The following RBMS3 variants were observed in gnomAD, a reference collection of about 807,000 sequenced individuals.
The protein encoded by RBMS3 is RNA-binding motif, single-stranded-interacting protein 3.
RBMS3 carries 27 observed loss-of-function variants against 66.8 expected under a neutral mutation model. The observed-to-expected ratio is 0.40, with a 90% CI of 0.30 to 0.56. The LOEUF is 0.56. RBMS3 is among the 20% of genes least tolerant of loss of function. RBMS3 has a pLI of 0.40. For synonymous variants in RBMS3, 188 were observed against 183.0 expected (o/e 1.03, Z -0.22); for missense variants, 513 against 549.5 (o/e 0.93, Z 0.66).
At chr3:29,731,116 C>T in intron 4 of RBMS3, 1 of 767,102 alleles carries the variant, frequency 1.3e-6, no homozygotes, top group African/African-American at 1.9e-5. Context: ...CCAGCCCAAG[C>T]CTTAAAGAAT....
intron 3 of RBMS3, among the ~76,000 whole-genome samples, chr3:29,547,463 T>G (rs72855060): frequency 0.11 from 16,873 of 151,868 alleles, 1,201 homozygotes; most frequent in African/African-American, 0.2. Context: ...ATTAAGCAAT[T>G]GGAAAATAAA....
intron 6 of RBMS3, among the ~76,000 whole-genome samples, chr3:29,778,677 G>T (rs1304277154): frequency 6.6e-6 from 1 of 151,726 alleles, no homozygotes; most frequent in African/African-American, 2.4e-5. Context: ...TATTAGATAT[G>T]TGACCATGAG....
intron 1 of RBMS3, among the ~76,000 whole-genome samples, chr3:29,319,224 A>G (rs887622844): frequency 6.6e-6 from 1 of 151,996 alleles, no homozygotes; most frequent in Non-Finnish European, 1.5e-5. Flanking sequence ...GCACCATGCC[A>G]ATTCCGTGTC....
chr3:29,496,851 C>T (rs1298151865), intron 3 of RBMS3, among the ~76,000 whole-genome samples: 1 of 152,170 alleles, frequency 6.6e-6, no homozygotes, highest in South Asian at 2.1e-4. Flanking sequence ...CTTGTAATCA[C>T]TTAATATACA....
intron 4 of RBMS3, among the ~76,000 whole-genome samples, chr3:29,619,774 T>A (rs1365055637): frequency 1.3e-5 from 2 of 152,218 alleles, no homozygotes; most frequent in Non-Finnish European, 2.9e-5. Context: ...AGGAAAGTTT[T>A]AACTTTTATA....
intron 4 of RBMS3, among the ~76,000 whole-genome samples, chr3:29,650,238 G>A (rs555021021): frequency 1.3e-5 from 2 of 151,070 alleles, no homozygotes; most frequent in Admixed American, 6.6e-5. Context: ...AGATGCCTAG[G>A]CAATCTTTTA....
intron 6 of RBMS3, among the ~76,000 whole-genome samples, chr3:29,851,208 C>G (rs2149519093): frequency 6.6e-6 from 1 of 152,246 alleles, no homozygotes; most frequent in African/African-American, 2.4e-5. Flanking sequence ...ATTTCCATGA[C>G]AGCAACATTC....
At chr3:29,867,726 A>T (rs576295369) in intron 6 of RBMS3, among the ~76,000 whole-genome samples, 1 of 151,482 alleles carries the variant, frequency 6.6e-6, no homozygotes, top group East Asian at 2.0e-4. Context: ...AGTCAGAATG[A>T]GAGGGCTCCA....
rs562263702 is a variant in RBMS3 at position 29,447,761 on chromosome 3, G to A, written c.248+12846G>A. The stretch of plus-strand genomic sequence containing the variant: ...CCATTTTGTTCAAATGATTTTTTAC[G>A]CTGTACTGAAACTCTCTATTCAAAT... On this transcript the variant is annotated intron_variant, in intron 2 of 14. Coordinates refer to ENST00000383767, the MANE Select transcript of RBMS3 (RefSeq NM_001003793.3). Among the ~76,000 whole-genome samples the A allele has an allele frequency of 7.9e-5, 12 of 152,200 alleles. No individual in the cohort carries two copies. In the East Asian group the frequency reaches 2.1e-3, roughly 27 times the overall value.
intron 12 of RBMS3, among the ~76,000 whole-genome samples, chr3:29,950,478 G>A (rs929656030): frequency 4.6e-5 from 7 of 151,904 alleles, no homozygotes; most frequent in African/African-American, 1.4e-4. Context: ...ACTTGGTTCC[G>A]TTTTTAAATC....
chr3:29,586,004 G>A (rs1415339522), intron 3 of RBMS3, among the ~76,000 whole-genome samples: 1 of 152,046 alleles, frequency 6.6e-6, no homozygotes, highest in Non-Finnish European at 1.5e-5. Context: ...CTCTTCTTTG[G>A]TTATTTTGGG....
intron 6 of RBMS3, among the ~76,000 whole-genome samples, chr3:29,780,318 AC>A (rs1469381022): frequency 5.9e-5 from 6 of 101,072 alleles, no homozygotes; most frequent in African/African-American, 1.8e-4. Context: ...CAGTCAGATA[AC>A]AAAAAAAAAA....
chr3:29,410,412 C>G (rs2040212977), intron 1 of RBMS3, among the ~76,000 whole-genome samples: 2 of 152,282 alleles, frequency 1.3e-5, no homozygotes, highest in South Asian at 4.1e-4. Context: ...AGCTAGTATG[C>G]AAATTGCCTA....
intron 4 of RBMS3, among the ~76,000 whole-genome samples, chr3:29,732,463 G>T (rs1274232308): frequency 6.6e-6 from 1 of 152,062 alleles, no homozygotes; most frequent in African/African-American, 2.4e-5. Flanking sequence ...CCAGAAAATG[G>T]TTTGACCAAT....
chr3:29,639,752 T>A (rs775608645), intron 4 of RBMS3, among the ~76,000 whole-genome samples: 8 of 151,772 alleles, frequency 5.3e-5, no homozygotes, highest in Non-Finnish European at 1.0e-4. Flanking sequence ...GAGAGAAGGA[T>A]GAGTGTGAGA....
chr3:29,647,157 T>C (rs2049952764), intron 4 of RBMS3, among the ~76,000 whole-genome samples: 1 of 152,148 alleles, frequency 6.6e-6, no homozygotes, highest in African/African-American at 2.4e-5. Context: ...TTTTGTGTTT[T>C]TAGTAGAGAT....
At chr3:29,420,565 T>TTTTTTTTTG in intron 1 of RBMS3, among the ~76,000 whole-genome samples, 1 of 150,878 alleles carries the variant, frequency 6.6e-6, no homozygotes, top group Non-Finnish European at 1.5e-5. Context: ...GGTTTGTTTT[T>TTTTTTTTTG]TTTTGTTTTG....
rs149022808 is a variant in RBMS3, at chr3:29,535,710, C to CTTTTTTTTTTTTTTTTTTTTTT, written c.307+47221_307+47242dup. Among the ~76,000 whole-genome samples, 6 of 39,744 alleles carry CTTTTTTTTTTTTTTTTTTTTTT rather than the reference C, an allele frequency of 1.5e-4. 1 individual carries two copies. The highest frequency in any genetic ancestry group is 6.1e-4 in the African/African-American group (6 of 9,860). The allele number at this position is 39,744 out of a possible 152,430, so 26.1% of individuals were successfully genotyped here. On this transcript the variant is annotated intron_variant, in intron 3 of 14. Coordinates refer to ENST00000383767, the MANE Select transcript of RBMS3 (RefSeq NM_001003793.3). ...GAGTTCAATGATTGAGATCATTGCT[C>CTTTTTTTTTTTTTTTTTTTTTT]TTTTTTTTTTTTTTTTTTTTTTTTT...
chr3:29,634,272 G>T (rs2049391628), intron 4 of RBMS3, among the ~76,000 whole-genome samples: 1 of 151,836 alleles, frequency 6.6e-6, no homozygotes, highest in Non-Finnish European at 1.5e-5. Context: ...AACATACTAT[G>T]TGCAATTGTC....
Sources: gnomAD v4.1 joint callset for allele counts (sites outside exome capture counted in the v4.1 genomes callset) on GRCh38, gnomAD v4.1.1 for gene constraint, MANE v1.5 for transcripts, NCBI Gene and HGNC (gene_info 2026-07-23, HGNC 2026-07-21) for gene names.